The following GRM8 variants were observed in gnomAD, a reference collection of about 807,000 sequenced individuals.
GRM8 encodes metabotropic glutamate receptor 8.
GRM8 carries 47 observed loss-of-function variants against 87.2 expected under a neutral mutation model. That is an observed-to-expected ratio of 0.54 (90% CI 0.43 to 0.69). The LOEUF is 0.69. Ranked by LOEUF, GRM8 falls within the 30% of genes least tolerant of loss-of-function variation. GRM8 has a pLI of 0.00. For synonymous variants in GRM8, 396 were observed against 404.5 expected, an observed-to-expected ratio of 0.98 and a Z score of 0.25; for missense variants, 1,019 against 1,139.2, an observed-to-expected ratio of 0.89 and a Z score of 1.52.
chr7:126,883,528 A>G (rs777631502), intron 6 of GRM8, among the ~76,000 whole-genome samples: 1 of 152,238 alleles, frequency 6.6e-6, no homozygotes, highest in African/African-American at 2.4e-5. Context: ...GGGATATAAG[A>G]TAAATAATCT....
At chr7:126,994,132 C>T (rs1023975624) in intron 3 of GRM8, among the ~76,000 whole-genome samples, 3 of 152,138 alleles carry the variant, frequency 2.0e-5, no homozygotes, top group Non-Finnish European at 4.4e-5. Flanking sequence ...TTGTCTTGCA[C>T]CTTGGATGCC....
At chr7:126,611,133 A>G (rs1798874196) in intron 7 of GRM8, among the ~76,000 whole-genome samples, 1 of 152,226 alleles carries the variant, frequency 6.6e-6, no homozygotes, top group Non-Finnish European at 1.5e-5. Context: ...TGATAGATGT[A>G]CATTACTCAG....
intron 3 of GRM8, among the ~76,000 whole-genome samples, chr7:126,969,778 C>T (rs918208689): frequency 2.0e-5 from 3 of 151,962 alleles, no homozygotes; most frequent in African/African-American, 4.8e-5. Flanking sequence ...TTACTTTGCC[C>T]GGATACATAC....
intron 1 of GRM8, among the ~76,000 whole-genome samples, chr7:127,247,565 G>T (rs1032049322): frequency 6.6e-6 from 1 of 152,080 alleles, no homozygotes; most frequent in African/African-American, 2.4e-5. Flanking sequence ...GCTGCAATAT[G>T]TGTGCATGTC....
chr7:127,149,479 T>C (rs1422346726), intron 2 of GRM8, among the ~76,000 whole-genome samples: 1 of 152,054 alleles, frequency 6.6e-6, no homozygotes, highest in African/African-American at 2.4e-5. Context: ...CAGACTGGTA[T>C]AGCCATTATG....
At chr7:127,055,798 G>T (rs1819924315) in intron 3 of GRM8, among the ~76,000 whole-genome samples, 1 of 150,704 alleles carries the variant, frequency 6.6e-6, no homozygotes, top group South Asian at 2.2e-4. Context: ...ATCAAGGTTT[G>T]CTATCTCTAA....
At chr7:126,489,750 G>A (rs565187596) in intron 9 of GRM8, among the ~76,000 whole-genome samples, 2 of 151,996 alleles carry the variant, frequency 1.3e-5, no homozygotes, top group Non-Finnish European at 2.9e-5. Context: ...CAGATAGCTG[G>A]TAAAACATTA....
intron 3 of GRM8, among the ~76,000 whole-genome samples, chr7:127,080,087 G>C (rs1196466271): frequency 2.0e-5 from 3 of 152,178 alleles, no homozygotes; most frequent in African/African-American, 7.2e-5. Context: ...AGCTGAATTT[G>C]AGACAGGAAG....
At chr7:127,250,588 A>T (rs574223127) in intron 1 of GRM8, among the ~76,000 whole-genome samples, 2 of 90,820 alleles carry the variant, frequency 2.2e-5, no homozygotes, top group South Asian at 5.6e-4. Context: ...ATTGCATTTT[A>T]AAAAACCTTG....
At chr7:127,206,552 C>G (rs1795922960) in intron 2 of GRM8, among the ~76,000 whole-genome samples, 1 of 148,702 alleles carries the variant, frequency 6.7e-6, no homozygotes, top group African/African-American at 2.4e-5. Context: ...GACTTTTCCA[C>G]AGCTACATCT....
intron 7 of GRM8, among the ~76,000 whole-genome samples, chr7:126,745,939 AATAG>A (rs1384928568): frequency 6.6e-6 from 1 of 151,828 alleles, no homozygotes; most frequent in East Asian, 1.9e-4. Context: ...TTATATGTAC[AATAG>A]ATATATAACA....
chr7:126,772,853 C>G lies in GRM8; in HGVS notation c.1157-2788G>C, dbSNP rs182665321. On this transcript the variant is annotated intron_variant, in intron 6 of 10. Coordinates refer to ENST00000339582, the MANE Select transcript of GRM8 (RefSeq NM_000845.3). ...AAGCCAGAAAGACACGAAAGATCTG[C>G]AAATAAGAAAGAATTTCCCATTTCT... is the stretch of plus-strand genomic sequence containing the variant. Among the ~76,000 whole-genome samples, 33 of 152,174 alleles carry G rather than the reference C, an allele frequency of 2.2e-4. No individual in the cohort carries two copies. In the East Asian group the frequency reaches 4.7e-3, roughly 21 times the overall value.
chr7:127,054,670 G>A (rs1364999137), intron 3 of GRM8, among the ~76,000 whole-genome samples: 1 of 152,166 alleles, frequency 6.6e-6, no homozygotes, highest in Non-Finnish European at 1.5e-5. Flanking sequence ...AAAGAATTGA[G>A]CCACAGGATT....
At chr7:126,738,414 G>A (rs1298847836) in intron 7 of GRM8, among the ~76,000 whole-genome samples, 1 of 152,098 alleles carries the variant, frequency 6.6e-6, no homozygotes, top group Non-Finnish European at 1.5e-5. Context: ...TTCATTACCG[G>A]TGAAATACTG....
At chr7:126,441,002 A>G (rs1339608183) in intron 10 of GRM8, among the ~76,000 whole-genome samples, 1 of 152,154 alleles carries the variant, frequency 6.6e-6, no homozygotes, top group Non-Finnish European at 1.5e-5. Flanking sequence ...ATGTAAAATG[A>G]AAGAACAGAT....
chr7:127,025,143 T>C (rs1816652647), intron 3 of GRM8, among the ~76,000 whole-genome samples: 2 of 152,062 alleles, frequency 1.3e-5, no homozygotes, highest in African/African-American at 2.4e-5. Flanking sequence ...CTTTGACATT[T>C]AAGACTTGGC....
intron 2 of GRM8, among the ~76,000 whole-genome samples, chr7:127,121,217 G>A (rs1333688759): frequency 6.6e-6 from 1 of 152,200 alleles, no homozygotes; most frequent in Non-Finnish European, 1.5e-5. Flanking sequence ...GAGCAATCAA[G>A]CCTGCATGTC....
intron 3 of GRM8, among the ~76,000 whole-genome samples, chr7:126,905,943 G>C (rs980599977): frequency 8.5e-5 from 13 of 152,178 alleles, no homozygotes; most frequent in African/African-American, 2.9e-4. Context: ...GAGACTGGCT[G>C]GGTTTGAAGT....
chr7:126,866,580 A>ATTTTTTT (rs59013947), intron 6 of GRM8, among the ~76,000 whole-genome samples: 1 of 68,028 alleles, frequency 1.5e-5, no homozygotes, highest in Non-Finnish European at 2.5e-5. Context: ...CTTTGACTCA[A>ATTTTTTT]TTTTTTTTTT....
Sources: allele counts gnomAD v4.1 joint callset (sites outside exome capture counted in the v4.1 genomes callset), GRCh38; gene constraint gnomAD v4.1.1; transcripts MANE v1.5; gene names NCBI Gene and HGNC (gene_info 2026-07-23, HGNC 2026-07-21).